The following PCDHB8 variants were observed in gnomAD, a reference collection of about 807,000 sequenced individuals.
The protein encoded by PCDHB8 is protocadherin beta-8.
For synonymous variants in PCDHB8, 385 were observed against 448.5 expected, an observed-to-expected ratio of 0.86 and a Z score of 1.79; for missense variants, 836 against 1,004.0, an observed-to-expected ratio of 0.83 and a Z score of 2.26.
rs782758714 is a variant in PCDHB8 at position 141,180,225 on chromosome 5, G to A, written c.2191G>A (p.Gly731Ser). ...ASVGRCSVPE[G>S]PFPGHLVDVR... ...GGTGGGTCGCTGCTCAGTGCCTGAG[G>A]GCCCCTTTCCAGGGCATCTGGTGGA... The change falls in exon 1 of 1, where the codon GGC becomes AGC. Residue 731 changes from glycine (G) to serine (S), a missense_variant. By Grantham distance (56) the Gly-to-Ser change is moderately conservative. Coordinates refer to ENST00000239444, the MANE Select transcript of PCDHB8 (RefSeq NM_019120.5). 7 of 1,613,384 alleles carry A rather than the reference G, an allele frequency of 4.3e-6. No individual in the cohort carries two copies. In the South Asian group the frequency reaches 6.6e-5, roughly 15 times the overall value.
In PCDHB8 at chr5:141,179,263, T is replaced by C. The variant is rs1360837617; in HGVS notation, c.1229T>C (p.Leu410Pro). ...TACACCCTACTAACAGAGACACCACTAGACAGAGAAAGCAGAGCCGAGTAC... is the reference window on the plus strand; with the variant it reads ...TACACCCTACTAACAGAGACACCACCAGACAGAGAAAGCAGAGCCGAGTAC... ...NFYTLLTETP[L>P]DRESRAEYNV... Residue 410 changes from leucine to proline, a missense_variant, in exon 1 of 1, where the codon CTA becomes CCA. Transcript: ENST00000239444. The C allele has an allele frequency of 1.2e-6, 2 of 1,614,112 alleles. No homozygotes were observed. The highest frequency in any genetic ancestry group is 1.3e-5 in the African/African-American group (1 of 75,018).
At position 141,180,054 on chromosome 5, in the gene PCDHB8, C is replaced by T. The variant is rs1384770987; in HGVS notation, c.2020C>T (p.Leu674Phe). The T allele has an allele frequency of 1.2e-6, 2 of 1,609,812 alleles. No homozygotes were observed. The highest frequency in any genetic ancestry group is 1.7e-6 in the Non-Finnish European group (2 of 1,179,836). The change falls in exon 1 of 1, where the codon CTT (leucine) becomes TTT (phenylalanine). Residue 674 changes from leucine to phenylalanine, a missense_variant. Physicochemically the swap from Leu to Phe is conservative, Grantham distance 22. Transcript: ENST00000239444. ...CGGCTTCTCCCAGCCCTACCTGCCGCTTCCGGAGGCTGCCCCAGCCCAGGG... is the reference window on the plus strand; with the variant it reads ...CGGCTTCTCCCAGCCCTACCTGCCGTTTCCGGAGGCTGCCCCAGCCCAGGG... ...VDGFSQPYLP[L>F]PEAAPAQGQA...
Position 141,180,320 on chromosome 5 carries a change from G to T in PCDHB8, c.2286G>T (p.Thr762=), listed in dbSNP as rs371278694. 1 of 1,614,052 alleles carries T rather than the reference G, an allele frequency of 6.2e-7. No individual in the cohort carries two copies. The highest frequency in any genetic ancestry group is 8.5e-7 in the Non-Finnish European group (1 of 1,179,960). ...YEVCLAGGSG[T]NEFQLLKPVL... ...TGTGCCTGGCAGGAGGCTCAGGGAC[G>T]AATGAGTTCCAGCTCCTGAAACCAG... Residue 762 remains threonine, a synonymous_variant, in exon 1 of 1, where the codon ACG becomes ACT. Coordinates refer to ENST00000239444, the MANE Select transcript of PCDHB8 (RefSeq NM_019120.5).
At position 141,177,848 on chromosome 5, in the gene PCDHB8, C is replaced by G. The variant is rs1338895260; in HGVS notation, c.-187C>G. The G allele has an allele frequency of 1.6e-6, 1 of 622,342 alleles. No individual in the cohort carries two copies. The highest frequency in any genetic ancestry group is 1.9e-5 in the African/African-American group (1 of 53,558). 38.6% of individuals were successfully genotyped at this position (622,342 alleles called of 1,614,324 possible). A position where few individuals can be genotyped will look rare whatever the true frequency, so the allele number is the denominator to read the frequency against. ...CCGCAGCTGCAGCTCCATTAACCGG[C>G]AAAAAGCAGCAGAACCTGGAAGTCC... On this transcript the variant is annotated 5_prime_UTR_variant, in exon 1 of 1. Coordinates refer to ENST00000239444, the MANE Select transcript of PCDHB8 (RefSeq NM_019120.5).
Position 141,180,204 on chromosome 5 carries a change from G to C in PCDHB8, c.2170G>C (p.Gly724Arg). 6.2e-7 allele frequency: 1 copy of C among 1,612,684 alleles called. No individual in the cohort carries two copies. The highest frequency in any genetic ancestry group is 1.1e-5 in the South Asian group (1 of 91,012). ...LCRRSRAASV[G>R]RCSVPEGPFP... ...TAGGAGGAGCAGGGCGGCCTCGGTG[G>C]GTCGCTGCTCAGTGCCTGAGGGCCC... Residue 724 changes from glycine (G) to arginine (R), a missense_variant, in exon 1 of 1, where the codon GGT (glycine) becomes CGT (arginine). Coordinates refer to ENST00000239444, the MANE Select transcript of PCDHB8 (RefSeq NM_019120.5).
Position 141,179,877 on chromosome 5 carries a change from C to A in PCDHB8, c.1843C>A (p.Leu615Met), listed in dbSNP as rs782255854. The change falls in exon 1 of 1, where the codon CTG becomes ATG. Residue 615 changes from leucine to methionine, a missense_variant. By Grantham distance (15) the Leu-to-Met change is conservative. Transcript: ENST00000239444. ...GCTGCTCAAGGCCACGGAGCCCGGG[C>A]TGTTCGGTGTGTGGGCGCACAATGG... Reference protein sequence around the residue: ...YQLLKATEPGLFGVWAHNGEV... With the variant: ...YQLLKATEPGMFGVWAHNGEV... The A allele has an allele frequency of 5.0e-6, 8 of 1,609,796 alleles. No homozygotes were observed. Among genetic ancestry groups the A allele is most frequent in the Non-Finnish European group, 6.8e-6 (8 of 1,179,676 alleles).
In PCDHB8 at chr5:141,178,710, A is replaced by G. The variant is rs781998238; in HGVS notation, c.676A>G (p.Thr226Ala). The G allele has an allele frequency of 1.3e-6, 2 of 1,583,648 alleles. No individual in the cohort carries two copies. The highest frequency in any genetic ancestry group is 2.7e-5 in the African/African-American group (2 of 74,678). Residue 226 changes from threonine to alanine, a missense_variant, in exon 1 of 1, where the codon ACT becomes GCT. Transcript: ENST00000239444. ...TGGTGGCTCTCCGCCCAGATCTGGC[A>G]CTGCTCAGGTCTACATTGAAGTTGT... ...LDGGSPPRSG[T>A]AQVYIEVVDV...
At position 141,180,141 on chromosome 5, in the gene PCDHB8, C is replaced by G. The variant is rs1753518948; in HGVS notation, c.2107C>G (p.Leu703Val). 1 of 1,611,512 alleles carries G rather than the reference C, an allele frequency of 6.2e-7. No individual in the cohort carries two copies. Among genetic ancestry groups the G allele is most frequent in the Admixed American group, 1.7e-5 (1 of 60,004 alleles). ...GTTGGCCTCGGTGTCTTCGCTCTTC[C>G]TCTTCTCGGTGCTCCTGTTCGTGGC... ...VALASVSSLF[L>V]FSVLLFVAVL... Residue 703 changes from leucine (L) to valine (V), a missense_variant, in exon 1 of 1, where the codon CTC becomes GTC. By Grantham distance (32) the Leu-to-Val change is conservative (BLOSUM62 1). Coordinates refer to ENST00000239444, the MANE Select transcript of PCDHB8 (RefSeq NM_019120.5).
chr5:141,179,876 GC>G lies in PCDHB8; in HGVS notation c.1843del (p.Leu615CysfsTer17), dbSNP rs1372059043. 6.2e-7 allele frequency: 1 copy of G among 1,609,630 alleles called. No individual in the cohort carries two copies. Among genetic ancestry groups the G allele is most frequent in the East Asian group, 2.2e-5 (1 of 44,882 alleles). ...AGCTGCTCAAGGCCACGGAGCCCGG[GC>G]TGTTCGGTGTGTGGGCGCACAATGG... ...YQLLKATEPG[L>X]FGVWAHNGEV... On this transcript the variant is annotated frameshift_variant, in exon 1 of 1. Coordinates refer to ENST00000239444, the MANE Select transcript of PCDHB8 (RefSeq NM_019120.5). LOFTEE classifies it low-confidence loss of function (END_TRUNC).
rs373326707 is a variant in PCDHB8, at chr5:141,180,214, C to T, written c.2180C>T (p.Ser727Leu). The T allele has an allele frequency of 9.9e-6, 16 of 1,612,890 alleles. No homozygotes were observed. The highest frequency in any genetic ancestry group is 1.4e-5 in the Non-Finnish European group (16 of 1,179,860). Residue 727 changes from serine (S) to leucine (L), a missense_variant, in exon 1 of 1, where the codon TCA (serine) becomes TTA (leucine). Coordinates refer to ENST00000239444, the MANE Select transcript of PCDHB8 (RefSeq NM_019120.5). ...AGGGCGGCCTCGGTGGGTCGCTGCT[C>T]AGTGCCTGAGGGCCCCTTTCCAGGG... The part of the protein sequence containing the change: ...RSRAASVGRC[S>L]VPEGPFPGHL...
In PCDHB8 at chr5:141,179,649, TC is replaced by T. The variant is rs1435704000; in HGVS notation, c.1619del (p.Pro540ArgfsTer3). On this transcript the variant is annotated frameshift_variant, in exon 1 of 1. Transcript: ENST00000239444. LOFTEE classifies it low-confidence loss of function (END_TRUNC). ...CCGGGTGGGCGCTTCAGACCGCGGC[TC>T]CCCGGCTTTGAGCAGCGAGGCGCTG... ...EFRVGASDRG[S>X]PALSSEALVR... The T allele has an allele frequency of 1.2e-6, 2 of 1,612,634 alleles. No homozygotes were observed. Among genetic ancestry groups the T allele is most frequent in the African/African-American group, 1.3e-5 (1 of 74,886 alleles).
rs781806180 is a variant in PCDHB8 at position 141,179,192 on chromosome 5, T to C, written c.1158T>C (p.Ile386=). Residue 386 remains isoleucine (I), a synonymous_variant, in exon 1 of 1, where the codon ATT becomes ATC. Transcript: ENST00000239444. ...SGENGKISCS[I]QEDLPFLLKS... is the part of the protein sequence containing the mutation. Reference sequence around the variant, plus strand: ...AAAATGGGAAAATAAGTTGCTCCATTCAGGAGGATCTACCCTTCCTCCTGA... The same window carrying C: ...AAAATGGGAAAATAAGTTGCTCCATCCAGGAGGATCTACCCTTCCTCCTGA... 1.2e-6 allele frequency: 2 copies of C among 1,614,158 alleles called. No homozygotes were observed. The highest frequency in any genetic ancestry group is 2.2e-5 in the South Asian group (2 of 91,088).
Position 141,179,451 on chromosome 5 carries a change from A to G in PCDHB8, c.1417A>G (p.Ser473Gly), listed in dbSNP as rs1554281207. 1 of 1,613,984 alleles carries G rather than the reference A, an allele frequency of 6.2e-7. No individual in the cohort carries two copies. The highest frequency in any genetic ancestry group is 8.5e-7 in the Non-Finnish European group (1 of 1,180,010). The change falls in exon 1 of 1, where the codon AGC (serine) becomes GGC (glycine). Residue 473 changes from serine to glycine, a missense_variant. Physicochemically the swap from Ser to Gly is moderately conservative, Grantham distance 56 (BLOSUM62 0). Coordinates refer to ENST00000239444, the MANE Select transcript of PCDHB8 (RefSeq NM_019120.5). ...ENNSPALHIG[S>G]VSATDRDSGT... ...CAACAGCCCCGCCCTGCACATCGGC[A>G]GCGTCAGCGCCACAGACAGAGACTC... is the stretch of plus-strand genomic sequence containing the variant.
At position 141,178,508 on chromosome 5, in the gene PCDHB8, T is replaced by C. The variant is rs61742699; in HGVS notation, c.474T>C (p.Ala158=). ...GGACTGCGTTTCCTCTGAAGAATGC[T>C]GAAGACTTAGATATAGGCCAAAACA... is the stretch of plus-strand genomic sequence containing the variant. The part of the protein sequence containing the change: ...PPGTAFPLKN[A]EDLDIGQNNI... Residue 158 remains alanine, a synonymous_variant, in exon 1 of 1, where the codon GCT becomes GCC. Coordinates refer to ENST00000239444, the MANE Select transcript of PCDHB8 (RefSeq NM_019120.5). 12,391 of 1,610,026 alleles carry C rather than the reference T, an allele frequency of 7.7e-3. 265 individuals carry two copies. Among genetic ancestry groups the C allele is most frequent in the African/African-American group, 0.065 (4,839 of 74,596 alleles).
chr5:141,179,990 G>C lies in PCDHB8; in HGVS notation c.1956G>C (p.Pro652=). 6.2e-7 allele frequency: 1 copy of C among 1,608,716 alleles called. No homozygotes were observed. The highest frequency in any genetic ancestry group is 1.7e-5 in the Admixed American group (1 of 60,010). ...VVLVKDNGEP[P]CSATATLHVL... ...TGGTCAAGGACAATGGCGAGCCTCC[G>C]TGCTCGGCCACCGCCACGCTGCACG... is the stretch of plus-strand genomic sequence containing the variant. The change falls in exon 1 of 1, where the codon CCG becomes CCC. Residue 652 remains proline, a synonymous_variant. Coordinates refer to ENST00000239444, the MANE Select transcript of PCDHB8 (RefSeq NM_019120.5).
In PCDHB8 at chr5:141,179,420, C is replaced by G. The variant is rs782363540; in HGVS notation, c.1386C>G (p.Arg462=). The G allele has an allele frequency of 4.0e-5, 64 of 1,614,080 alleles. No individual in the cohort carries two copies. Among genetic ancestry groups the G allele is most frequent in the Admixed American group, 1.2e-4 (7 of 59,990 alleles). ...AAACCTCCTACACCCTGTTCGTCCG[C>G]GAGAACAACAGCCCCGCCCTGCACA... is the stretch of plus-strand genomic sequence containing the variant. The part of the protein sequence containing the change: ...FTQTSYTLFV[R]ENNSPALHIG... The change falls in exon 1 of 1, where the codon CGC becomes CGG. Residue 462 remains arginine (R), a synonymous_variant. Transcript: ENST00000239444.
rs1753428065 is a variant in PCDHB8 at position 141,178,190 on chromosome 5, C to T, written c.156C>T (p.Asp52=). The T allele has an allele frequency of 1.9e-6, 3 of 1,582,546 alleles. No individual in the cohort carries two copies. Among genetic ancestry groups the T allele is most frequent in the Admixed American group, 1.7e-5 (1 of 58,974 alleles). The change falls in exon 1 of 1, where the codon GAC becomes GAT. Residue 52 remains aspartate, a synonymous_variant. Transcript: ENST00000239444. ...CCTTTGTCACCAATTTAGCAAAGGA[C>T]CTGGGTCTGGAGCAGAGGGAATTCT... is the stretch of plus-strand genomic sequence containing the variant. ...GSSFVTNLAK[D]LGLEQREFSR...
In PCDHB8 at chr5:141,179,091, T is replaced by A. The variant is rs368234037; in HGVS notation, c.1057T>A (p.Phe353Ile). 3 of 1,614,228 alleles carry A rather than the reference T, an allele frequency of 1.9e-6. No individual in the cohort carries two copies. The highest frequency in any genetic ancestry group is 4.5e-5 in the East Asian group (2 of 44,884). Reference protein sequence around the residue: ...DHAPEVTMSAFTSPIPENAPE... With the variant: ...DHAPEVTMSAITSPIPENAPE... The stretch of plus-strand genomic sequence containing the variant: ...TGCCCCAGAAGTTACCATGTCTGCA[T>A]TTACCAGCCCAATACCTGAGAATGC... Residue 353 changes from phenylalanine to isoleucine, a missense_variant, in exon 1 of 1, where the codon TTT (phenylalanine) becomes ATT (isoleucine). By Grantham distance (21) the Phe-to-Ile change is conservative (BLOSUM62 0). Transcript: ENST00000239444.
chr5:141,180,089 C>T lies in PCDHB8; in HGVS notation c.2055C>T (p.Asp685=). 1 of 1,610,440 alleles carries T rather than the reference C, an allele frequency of 6.2e-7. No individual in the cohort carries two copies. The highest frequency in any genetic ancestry group is 2.2e-5 in the East Asian group (1 of 44,870). The part of the protein sequence containing the change: ...PEAAPAQGQA[D]SLTVYLVVAL... ...CTGCCCCAGCCCAGGGCCAGGCCGA[C>T]TCTCTCACCGTCTACCTGGTGGTGG... Residue 685 remains aspartate (D), a synonymous_variant, in exon 1 of 1, where the codon GAC becomes GAT. Coordinates refer to ENST00000239444, the MANE Select transcript of PCDHB8 (RefSeq NM_019120.5).
Sources: allele counts gnomAD v4.1 joint callset, GRCh38; gene constraint gnomAD v4.1.1; transcripts MANE v1.5; gene names NCBI Gene and HGNC (gene_info 2026-07-23, HGNC 2026-07-21).